Variants in SPECC1 observed in about 807,000 individuals in gnomAD.
SPECC1 encodes the protein sperm antigen with calponin homology and coiled-coil domains 1.
A neutral mutation model predicts 104.1 loss-of-function variants in SPECC1; 62 were observed. The ratio of observed to expected loss-of-function variants is 0.60; its 90% confidence interval spans 0.49 to 0.74. The LOEUF (loss-of-function observed/expected upper bound fraction) is 0.74. Among genes scored for constraint, SPECC1 ranks in the 30% least tolerant of loss-of-function variants. The pLI is 0.00. For missense variants in SPECC1, 1,306 were observed against 1,310.5 expected (o/e 1.00, Z 0.05); for synonymous variants, 513 against 501.6 (o/e 1.02, Z -0.30).
chr17:20,189,322 A>G (rs1308525518), intron 3 of SPECC1, among the ~76,000 whole-genome samples: 1 of 152,166 alleles, frequency 6.6e-6, no homozygotes, highest in East Asian at 1.9e-4. Flanking sequence ...GGCCTACACA[A>G]TGGGCAAGGA....
chr17:20,254,533 G>C (rs2039755529), intron 10 of SPECC1, among the ~76,000 whole-genome samples: 1 of 152,190 alleles, frequency 6.6e-6, no homozygotes, highest in Non-Finnish European at 1.5e-5. Context: ...CTCACCTGCT[G>C]TTCTCTGCTG....
At chr17:20,283,359 A>T (rs1306196368) in intron 12 of SPECC1, among the ~76,000 whole-genome samples, 2 of 152,164 alleles carry the variant, frequency 1.3e-5, no homozygotes, top group African/African-American at 4.8e-5. Context: ...AGGCATTCTG[A>T]TTGTCTGTAG....
At position 20,314,032 on chromosome 17, in the gene SPECC1, C is replaced by T. The variant is rs147504813; in HGVS notation, c.3174C>T (p.Tyr1058=). 21 of 1,614,204 alleles carry T rather than the reference C, an allele frequency of 1.3e-5. No individual in the cohort carries two copies. The highest frequency in any genetic ancestry group is 1.6e-4 in the Middle Eastern group (1 of 6,062). ...DRPDWQSVMQ[Y]VAQIYKYFET is the part of the protein sequence containing the mutation. Reference sequence around the variant, plus strand: ...CCGACTGGCAGAGTGTGATGCAGTACGTGGCCCAAATCTACAAGTACTTTG... The same window carrying T: ...CCGACTGGCAGAGTGTGATGCAGTATGTGGCCCAAATCTACAAGTACTTTG... The change falls in exon 15 of 15, where the codon TAC becomes TAT. Residue 1058 remains tyrosine (Y), a synonymous_variant. Coordinates refer to ENST00000395527, the MANE Select transcript of SPECC1 (RefSeq NM_001243439.2).
At chr17:20,284,850 G>T (rs978293033) in intron 12 of SPECC1, among the ~76,000 whole-genome samples, 1 of 152,244 alleles carries the variant, frequency 6.6e-6, no homozygotes, top group African/African-American at 2.4e-5. Flanking sequence ...GCTGGTTCCT[G>T]CAAGAATGAA....
At chr17:20,277,061 C>T (rs1192960709) in intron 12 of SPECC1, among the ~76,000 whole-genome samples, 3 of 152,196 alleles carry the variant, frequency 2.0e-5, no homozygotes, top group Non-Finnish European at 2.9e-5. Context: ...GAGTCGGGCT[C>T]GGATAGCAGC....
Position 20,223,443 on chromosome 17 carries a change from G to A in SPECC1, c.1864-3970G>A, listed in dbSNP as rs146690527. Among the ~76,000 whole-genome samples, 843 of 152,108 alleles carry A rather than the reference G, an allele frequency of 5.5e-3. 5 individuals carry two copies. The highest frequency in any genetic ancestry group is 0.01 in the Middle Eastern group (3 of 294). On this transcript the variant is annotated intron_variant, in intron 4 of 14. Transcript: ENST00000395527. ...GTAATCCCAGCACTTTGGGAGGCCGGAGTGGGCAGATCACGAGGTCAGGAG... is the reference window on the plus strand; with the variant it reads ...GTAATCCCAGCACTTTGGGAGGCCGAAGTGGGCAGATCACGAGGTCAGGAG...
chr17:20,306,408 T>C (rs2165897), intron 14 of SPECC1, among the ~76,000 whole-genome samples: 107,813 of 152,104 alleles, frequency 0.71, 40,006 homozygotes, highest in East Asian at 0.99. Flanking sequence ...GCTAAGCTCT[T>C]AATAAAGAAT....
At chr17:20,190,272 T>G (rs1040337614) in intron 3 of SPECC1, among the ~76,000 whole-genome samples, 5 of 152,214 alleles carry the variant, frequency 3.3e-5, no homozygotes, top group African/African-American at 1.2e-4. Context: ...GCTAATTGCC[T>G]GTTTCCACAC....
intron 12 of SPECC1, among the ~76,000 whole-genome samples, chr17:20,295,811 A>G (rs2041331851): frequency 6.6e-6 from 1 of 152,178 alleles, no homozygotes; most frequent in South Asian, 2.1e-4. Flanking sequence ...GGCAGCATAA[A>G]TGTCTTCTTT....
intron 3 of SPECC1, among the ~76,000 whole-genome samples, chr17:20,203,139 C>G (rs1306587161): frequency 6.6e-6 from 1 of 152,096 alleles, no homozygotes; most frequent in East Asian, 1.9e-4. Flanking sequence ...AACATTCCCT[C>G]CCGTGCCCTT....
At chr17:20,289,556 G>C (rs1392789144) in intron 12 of SPECC1, among the ~76,000 whole-genome samples, 2 of 152,152 alleles carry the variant, frequency 1.3e-5, no homozygotes. Context: ...ATCCGCCTAG[G>C]CCTCCCAAAA....
intron 2 of SPECC1, among the ~76,000 whole-genome samples, chr17:20,108,365 T>C (rs1243751083): frequency 6.6e-6 from 1 of 152,204 alleles, no homozygotes; most frequent in Non-Finnish European, 1.5e-5. Flanking sequence ...ATAAAATCCA[T>C]AAAGTACACT....
At chr17:20,133,563 G>C (rs2049768703) in intron 3 of SPECC1, among the ~76,000 whole-genome samples, 1 of 151,476 alleles carries the variant, frequency 6.6e-6, no homozygotes, top group Admixed American at 6.6e-5. Flanking sequence ...GTTATGTCTA[G>C]ATTTACATAT....
intron 2 of SPECC1, among the ~76,000 whole-genome samples, chr17:20,109,884 G>C (rs961590182): frequency 1.3e-5 from 2 of 152,030 alleles, no homozygotes; most frequent in African/African-American, 2.4e-5. Context: ...TTAGAGACGA[G>C]GTTTCACTTT....
intron 3 of SPECC1, among the ~76,000 whole-genome samples, chr17:20,143,402 G>A (rs1427360290): frequency 6.8e-6 from 1 of 146,060 alleles, no homozygotes; most frequent in Non-Finnish European, 1.5e-5. Context: ...AAAAAAAAAA[G>A]TCCGAGCGTG....
At chr17:20,260,385 G>T in intron 12 of SPECC1, 91 bp downstream of exon 12, 1 of 1,037,840 alleles carries the variant, frequency 9.6e-7, no homozygotes. Flanking sequence ...TGCTTGATGG[G>T]CCAATATGCA....
intron 1 of SPECC1, among the ~76,000 whole-genome samples, chr17:20,044,721 G>A (rs1367554975): frequency 1.3e-5 from 2 of 152,106 alleles, no homozygotes; most frequent in African/African-American, 2.4e-5. Flanking sequence ...CAAATGAAAG[G>A]GTAGTTTCAG....
chr17:20,143,257 G>A (rs1034428175), intron 3 of SPECC1, among the ~76,000 whole-genome samples: 4 of 151,530 alleles, frequency 2.6e-5, no homozygotes, highest in Non-Finnish European at 5.9e-5. Context: ...GTGGTGGTAC[G>A]TGCCTGTGGT....
chr17:20,260,941 C>CGAA (rs1050716611), intron 12 of SPECC1, among the ~76,000 whole-genome samples: 5 of 152,128 alleles, frequency 3.3e-5, no homozygotes, highest in Admixed American at 6.5e-5. Context: ...GTTTAGCATT[C>CGAA]TTCCCTGAGA....
Sources: gnomAD v4.1 joint callset for allele counts (sites outside exome capture counted in the v4.1 genomes callset) on GRCh38, gnomAD v4.1.1 for gene constraint, MANE v1.5 for transcripts, NCBI Gene and HGNC (gene_info 2026-07-23, HGNC 2026-07-21) for gene names.